The following SPATS2 variants were observed in gnomAD, a reference collection of about 807,000 sequenced individuals.
SPATS2 encodes spermatogenesis-associated serine-rich protein 2.
A neutral mutation model predicts 63.7 loss-of-function variants in SPATS2; 38 were observed. That is an observed-to-expected ratio of 0.60 (90% CI 0.46 to 0.78). The LOEUF (loss-of-function observed/expected upper bound fraction) is 0.78, where lower values mean the gene tolerates loss of function less well. Among genes scored for constraint, SPATS2 ranks in the 30% least tolerant of loss-of-function variants. The pLI, the probability that SPATS2 is intolerant of heterozygous loss-of-function variation, is 0.00. For synonymous variants in SPATS2, 207 were observed against 232.9 expected, an observed-to-expected ratio of 0.89 and a Z score of 1.01; for missense variants, 588 against 666.2, an observed-to-expected ratio of 0.88 and a Z score of 1.29.
At chr12:49,423,693 T>C (rs992461675) in intron 2 of SPATS2, among the ~76,000 whole-genome samples, 1 of 152,234 alleles carries the variant, frequency 6.6e-6, no homozygotes, top group South Asian at 2.1e-4. Flanking sequence ...AGTCCTCTGA[T>C]GCTTTCAATC....
chr12:49,498,936 G>T (rs1355628100), intron 8 of SPATS2, among the ~76,000 whole-genome samples: 2 of 151,940 alleles, frequency 1.3e-5, no homozygotes, highest in African/African-American at 4.8e-5. Flanking sequence ...ACAGGTGCGT[G>T]CCACCACACC....
intron 6 of SPATS2, among the ~76,000 whole-genome samples, chr12:49,493,086 G>A (rs1184055508): frequency 2.1e-5 from 3 of 142,142 alleles, no homozygotes; most frequent in South Asian, 2.2e-4. Flanking sequence ...CAACAAGAGC[G>A]AAACTCCGTC....
chr12:49,507,738 C>G (rs1248310029), intron 9 of SPATS2, among the ~76,000 whole-genome samples: 2 of 152,092 alleles, frequency 1.3e-5, no homozygotes, highest in Non-Finnish European at 2.9e-5. Context: ...TAGTTTGATT[C>G]ATCACTTCAT....
intron 3 of SPATS2, among the ~76,000 whole-genome samples, chr12:49,461,485 A>G (rs1945821868): frequency 6.6e-6 from 1 of 152,200 alleles, no homozygotes; most frequent in South Asian, 2.1e-4. Context: ...GAGTCAGGAA[A>G]TAGAAGGGTA....
At position 49,500,501 on chromosome 12, in the gene SPATS2, G is replaced by A. The variant is rs542441494; in HGVS notation, c.839+296G>A. Among the ~76,000 whole-genome samples the A allele has an allele frequency of 3.0e-4, 46 of 152,190 alleles. 1 individual carries two copies. Among genetic ancestry groups the A allele is most frequent in the Middle Eastern group, 3.4e-3 (1 of 294 alleles). On this transcript the variant is annotated intron_variant, in intron 9 of 13. Transcript: ENST00000552918. ...TTAAAGTCTCCTTTTAGGCCGGTGC[G>A]GTGGCTCAAGCCTGTAATCCCAGTA...
intron 2 of SPATS2, among the ~76,000 whole-genome samples, chr12:49,378,082 C>T (rs1470884663): frequency 6.6e-6 from 1 of 152,094 alleles, no homozygotes; most frequent in Non-Finnish European, 1.5e-5. Context: ...AAGCGATTCC[C>T]CTGCCTCAGC....
chr12:49,453,160 C>CAA lies in SPATS2; in HGVS notation c.-243-7594_-243-7593dup, dbSNP rs534605136. Among the ~76,000 whole-genome samples the CAA allele has an allele frequency of 5.0e-3, 455 of 91,738 alleles. 6 individuals are homozygous for CAA. Among genetic ancestry groups the CAA allele is most frequent in the African/African-American group, 0.013 (380 of 29,042 alleles). 60.2% of individuals were successfully genotyped at this position (91,738 alleles called of 152,430 possible). ...GGCTGCACAGAGCGAGACTCCGTCTCAAAAAAAAAAAAAAAAAGAAATTTG... is the reference window on the plus strand; with the variant it reads ...GGCTGCACAGAGCGAGACTCCGTCTCAAAAAAAAAAAAAAAAAAAGAAATTTG... On this transcript the variant is annotated intron_variant, in intron 2 of 13. Transcript: ENST00000552918.
intron 4 of SPATS2, among the ~76,000 whole-genome samples, chr12:49,484,999 G>A (rs1946265271): frequency 6.6e-6 from 1 of 151,934 alleles, no homozygotes; most frequent in Admixed American, 6.6e-5. Context: ...AATCGAATAG[G>A]ATCTTCCCAA....
intron 9 of SPATS2, among the ~76,000 whole-genome samples, chr12:49,505,176 C>G (rs545205973): frequency 6.6e-6 from 1 of 151,986 alleles, no homozygotes. Flanking sequence ...TTTTATGAAC[C>G]AAACTACCTG....
At chr12:49,507,601 A>G in intron 9 of SPATS2, among the ~76,000 whole-genome samples, 1 of 152,114 alleles carries the variant, frequency 6.6e-6, no homozygotes, top group East Asian at 1.9e-4. Context: ...AAATTCTACC[A>G]CCTTAACACA....
At chr12:49,443,995 T>C (rs1001701530) in intron 2 of SPATS2, among the ~76,000 whole-genome samples, 4 of 152,214 alleles carry the variant, frequency 2.6e-5, no homozygotes, top group Admixed American at 6.5e-5. Context: ...TATGATCAGC[T>C]TGTCAGTTTC....
At chr12:49,517,884 T>C (rs1946877555) in intron 10 of SPATS2, among the ~76,000 whole-genome samples, 1 of 152,210 alleles carries the variant, frequency 6.6e-6, no homozygotes, top group African/African-American at 2.4e-5. Context: ...TAGCCCTGAA[T>C]GTTCCTGAAT....
intron 2 of SPATS2, among the ~76,000 whole-genome samples, chr12:49,436,241 T>C (rs1186774925): frequency 6.8e-6 from 1 of 148,022 alleles, no homozygotes; most frequent in Non-Finnish European, 1.5e-5. Context: ...GCCCCTCACC[T>C]CCCGGACGGG....
At chr12:49,399,383 C>T (rs1448591089) in intron 2 of SPATS2, among the ~76,000 whole-genome samples, 4 of 152,122 alleles carry the variant, frequency 2.6e-5, no homozygotes, top group Non-Finnish European at 4.4e-5. Context: ...GTAAGATACA[C>T]CATTACTTGA....
At chr12:49,457,759 CAT>C (rs1945745628) in intron 2 of SPATS2, among the ~76,000 whole-genome samples, 4 of 152,214 alleles carry the variant, frequency 2.6e-5, no homozygotes, top group Middle Eastern at 6.8e-3. Flanking sequence ...AACCTGAGGA[CAT>C]GTGCTGTTGA....
Position 49,500,061 on chromosome 12 carries a change from T to C in SPATS2, c.704-9T>C. 6.9e-7 allele frequency: 1 copy of C among 1,448,542 alleles called. No homozygotes were observed. The allele number at this position is 1,448,542 out of a possible 1,614,324, so 89.7% of individuals were successfully genotyped here. On this transcript the variant is annotated splice_polypyrimidine_tract_variant and intron_variant, in intron 8 of 13. Coordinates refer to ENST00000552918, the MANE Select transcript of SPATS2 (RefSeq NM_023071.4). ...TTTTTTTTTTAATATTTCGGTTTTT[T>C]TCCCCAAGGTTCCAATATTGAAAAA... is the stretch of plus-strand genomic sequence containing the variant.
intron 3 of SPATS2, among the ~76,000 whole-genome samples, chr12:49,461,615 G>A (rs996831945): frequency 1.1e-4 from 17 of 152,104 alleles, no homozygotes; most frequent in African/African-American, 3.9e-4. Context: ...GTACATAATT[G>A]GAATATATTG....
In SPATS2 at chr12:49,518,998, C is replaced by G. The variant is rs749276338; in HGVS notation, c.899-75C>G. On this transcript the variant is annotated intron_variant, in intron 10 of 13. Coordinates refer to ENST00000552918, the MANE Select transcript of SPATS2 (RefSeq NM_023071.4). ...CCTTTGGCTGACCAAATACCTACTGCAAGGCTTATATTTCTAGTTCTTCTT... is the reference window on the plus strand; with the variant it reads ...CCTTTGGCTGACCAAATACCTACTGGAAGGCTTATATTTCTAGTTCTTCTT... 63 of 1,228,586 alleles carry G rather than the reference C, an allele frequency of 5.1e-5. No individual in the cohort carries two copies. In the Middle Eastern group the frequency reaches 2.2e-3, roughly 43 times the overall value. The allele number at this position is 1,228,586 out of a possible 1,614,324, so 76.1% of individuals were successfully genotyped here. A position where few individuals can be genotyped will look rare whatever the true frequency, so the allele number is the denominator to read the frequency against.
rs1947007544 is a variant in SPATS2 at position 49,524,914 on chromosome 12, C to T, written c.1326+18C>T. 2 of 1,610,280 alleles carry T rather than the reference C, an allele frequency of 1.2e-6. No homozygotes were observed. The highest frequency in any genetic ancestry group is 1.7e-6 in the Non-Finnish European group (2 of 1,177,954). On this transcript the variant is annotated intron_variant, in intron 13 of 13. Coordinates refer to ENST00000552918, the MANE Select transcript of SPATS2 (RefSeq NM_023071.4). ...TTCGGGAGGTAACCTAGCTTCTACACTGAGCATGTTAGGAAGAAAACCCTC... is the reference window on the plus strand; with the variant it reads ...TTCGGGAGGTAACCTAGCTTCTACATTGAGCATGTTAGGAAGAAAACCCTC...
Sources: allele counts gnomAD v4.1 joint callset (sites outside exome capture counted in the v4.1 genomes callset), GRCh38; gene constraint gnomAD v4.1.1; transcripts MANE v1.5; gene names NCBI Gene and HGNC (gene_info 2026-07-23, HGNC 2026-07-21).